Variants in GK observed in about 807,000 individuals in gnomAD.
The protein encoded by GK is ATP:glycerol 3-phosphotransferase.
In GK, 9 loss-of-function variants were observed where a neutral mutation model predicts 56.4. The observed-to-expected ratio is 0.16, with a 90% CI of 0.10 to 0.28. The LOEUF (loss-of-function observed/expected upper bound fraction) is 0.28, where lower values mean the gene tolerates loss of function less well. GK is among the 10% of genes least tolerant of loss of function. GK has a pLI of 1.00. For synonymous variants in GK, 104 were observed against 144.1 expected (o/e 0.72, Z 1.99); for missense variants, 161 against 431.4 (o/e 0.37, Z 5.55).
chrX:30,682,813 A>G (rs1357518365), intron 4 of GK, among the ~76,000 whole-genome samples: 2 of 112,028 alleles, frequency 1.8e-5, no homozygotes, highest in African/African-American at 6.5e-5. Flanking sequence ...GGAAGCTAGA[A>G]GTTCAAGATC....
At chrX:30,680,562 C>G (rs1053998558) in intron 4 of GK, among the ~76,000 whole-genome samples, 2 of 111,763 alleles carry the variant, frequency 1.8e-5, no homozygotes, top group African/African-American at 6.5e-5. Context: ...TGGGTTGTTT[C>G]AAACACACCA....
At chrX:30,691,067 A>G in intron 4 of GK, 56 bp from the exon 5 acceptor site, 1 of 662,444 alleles carries the variant, frequency 1.5e-6, no homozygotes. Flanking sequence ...GATTTCAGTA[A>G]GTTCTTATTT....
intron 11 of GK, among the ~76,000 whole-genome samples, chrX:30,706,699 G>A (rs777603062): frequency 5.9e-4 from 66 of 112,100 alleles, no homozygotes; most frequent in African/African-American, 2.1e-3. Flanking sequence ...CAGTTCTTCT[G>A]TATCAGCCAT....
chrX:30,663,940 A>G (rs866304667), intron 1 of GK, among the ~76,000 whole-genome samples: 7 of 93,846 alleles, frequency 7.5e-5, no homozygotes, highest in Non-Finnish European at 6.3e-5. Context: ...CTCTCTCTGT[A>G]TATATATAGA....
At chrX:30,665,451 C>T (rs1933009267) in intron 1 of GK, 60 bp from the exon 2 acceptor site, 1 of 704,009 alleles carries the variant, frequency 1.4e-6, no homozygotes, top group East Asian at 3.2e-5. Context: ...TACTGAATAA[C>T]TTTAAACATC....
intron 13 of GK, among the ~76,000 whole-genome samples, chrX:30,708,431 C>T (rs1170961817): frequency 5.5e-5 from 6 of 108,243 alleles, no homozygotes; most frequent in African/African-American, 1.0e-4. Context: ...AAAGTTTAAT[C>T]GGATTAACGT....
At chrX:30,662,504 G>C (rs1031865200) in intron 1 of GK, among the ~76,000 whole-genome samples, 1 of 111,240 alleles carries the variant, frequency 9.0e-6, no homozygotes. Flanking sequence ...AAATCCTTCT[G>C]TTTTCTGTGT....
intron 9 of GK, 26 bp from the exon 10 acceptor site, chrX:30,700,388 A>T: frequency 8.5e-7 from 1 of 1,179,708 alleles, no homozygotes. Flanking sequence ...GTGACTATTC[A>T]TAATCCTTTT....
At chrX:30,701,313 G>T (rs1935649041) in intron 11 of GK, among the ~76,000 whole-genome samples, 1 of 112,018 alleles carries the variant, frequency 8.9e-6, no homozygotes, top group African/African-American at 3.2e-5. Context: ...GGAAGCTGAG[G>T]CAGGAGAATC....
rs774048764 is a variant in GK, at chrX:30,719,355, G to T, written c.1055-64G>T. ...CTAATTTTTCTAATTTTTAAAATAG[G>T]TATGCTTATATAATAATACACAATA... On this transcript the variant is annotated intron_variant, in intron 14 of 20. Transcript: ENST00000427190. The T allele has an allele frequency of 1.8e-4, 129 of 711,274 alleles. No individual in the cohort carries two copies. The African/African-American group carries it at 2.5e-3, about 14-fold the overall frequency. 58.6% of individuals were successfully genotyped at this position (711,274 alleles called of 1,213,427 possible). A position where few individuals can be genotyped will look rare whatever the true frequency, so the allele number is the denominator to read the frequency against.
chrX:30,720,689 C>G lies in GK; in HGVS notation c.1305C>G (p.Thr435=). The G allele has an allele frequency of 8.3e-7, 1 of 1,206,144 alleles. No individual in the cohort carries two copies. The highest frequency in any genetic ancestry group is 1.1e-6 in the Non-Finnish European group (1 of 890,223). Residue 435 remains threonine (T), a synonymous_variant, in exon 17 of 21, where the codon ACC becomes ACG. Transcript: ENST00000427190. ...ATTTGCAGGTAGATGGAGGAATGACCAGCAACAAAATTCTTATGCAGCTAC... is the reference window on the plus strand; with the variant it reads ...ATTTGCAGGTAGATGGAGGAATGACGAGCAACAAAATTCTTATGCAGCTAC... ...LSHLQVDGGM[T]SNKILMQLQA...
At chrX:30,693,510 G>C (rs952480564) in intron 5 of GK, among the ~76,000 whole-genome samples, 1 of 111,160 alleles carries the variant, frequency 9.0e-6, no homozygotes, top group Non-Finnish European at 1.9e-5. Context: ...GGCAACTGCT[G>C]TTTTAGATAG....
At position 30,661,102 on chromosome X, in the gene GK, G is replaced by C. The variant is rs1303474063; in HGVS notation, c.79-4409G>C. On this transcript the variant is annotated intron_variant, in intron 1 of 20. Coordinates refer to ENST00000427190, the MANE Select transcript of GK (RefSeq NM_001205019.2). ...GCTGGGATTATAGGCATGAGCCACAGTGCCCAGCCTGGATCTTTTTCTTTA... is the reference window on the plus strand; with the variant it reads ...GCTGGGATTATAGGCATGAGCCACACTGCCCAGCCTGGATCTTTTTCTTTA... 3.6e-5 allele frequency among the ~76,000 whole-genome samples: 4 copies of C among 111,555 alleles called. No individual in the cohort carries two copies. The South Asian group carries it at 1.1e-3, about 31-fold the overall frequency.
intron 13 of GK, among the ~76,000 whole-genome samples, chrX:30,710,239 C>A (rs1936250472): frequency 9.0e-6 from 1 of 111,309 alleles, no homozygotes; most frequent in Non-Finnish European, 1.9e-5. Flanking sequence ...GCCTAGGCCA[C>A]CCTGCTGTAC....
intron 11 of GK, among the ~76,000 whole-genome samples, chrX:30,702,168 G>A (rs945947296): frequency 1.4e-4 from 15 of 109,925 alleles, no homozygotes; most frequent in Non-Finnish European, 2.7e-4. Flanking sequence ...TTAGCCTCCC[G>A]AGTAGCTGGG....
In GK at chrX:30,731,281, T is replaced by C. The variant is rs1039635687; in HGVS notation, c.*2539T>C. On this transcript the variant is annotated 3_prime_UTR_variant, in exon 21 of 21. Transcript: ENST00000427190. The stretch of plus-strand genomic sequence containing the variant: ...CTAATGGCATTGACAGTGGAGTAGG[T>C]AGTATTTAATCTGTAGTGTTTACAA... The C allele has an allele frequency of 2.7e-4, 30 of 112,034 alleles. No individual in the cohort carries two copies. Among genetic ancestry groups the C allele is most frequent in the African/African-American group, 9.4e-4 (29 of 30,829 alleles). The allele number at this position is 112,034 out of a possible 1,213,427, so 9.2% of individuals were successfully genotyped here.
rs183391591 is a variant in GK at position 30,669,393 on chromosome X, A to C, written c.259+1275A>C. Among the ~76,000 whole-genome samples the C allele has an allele frequency of 4.9e-3, 541 of 110,429 alleles. 8 individuals carry two copies. Among genetic ancestry groups the C allele is most frequent in the African/African-American group, 0.017 (523 of 30,316 alleles). On this transcript the variant is annotated intron_variant, in intron 3 of 20. Transcript: ENST00000427190. ...GAGACGGGGTTTCACCATGCTGGCC[A>C]GGCTGGTCTCGAACTCCTGACCTCG...
chrX:30,680,881 T>A (rs1473125021), intron 4 of GK, among the ~76,000 whole-genome samples: 1 of 111,278 alleles, frequency 9.0e-6, no homozygotes, highest in Non-Finnish European at 1.9e-5. Context: ...GGAAGTGAGG[T>A]AAACTGAAAA....
chrX:30,691,201 T>A lies in GK; in HGVS notation c.414+2T>A. ...CCAGGAAATAATAACTTTGTCAAGG[T>A]AAGAATTTCTTCAGAAGTATACTAT... On this transcript the variant is annotated splice_donor_variant, in intron 5 of 20. Transcript: ENST00000427190. LOFTEE classifies it high-confidence loss of function. 1 of 1,037,869 alleles carries A rather than the reference T, an allele frequency of 9.6e-7. No individual in the cohort carries two copies. The highest frequency in any genetic ancestry group is 1.4e-6 in the Non-Finnish European group (1 of 739,238). 85.5% of individuals were successfully genotyped at this position (1,037,869 alleles called of 1,213,427 possible).
Sources: allele counts gnomAD v4.1 joint callset (sites outside exome capture counted in the v4.1 genomes callset), GRCh38; gene constraint gnomAD v4.1.1; transcripts MANE v1.5; gene names NCBI Gene and HGNC (gene_info 2026-07-23, HGNC 2026-07-21).